The following ADAMTSL1 variants were observed in gnomAD, a reference collection of about 807,000 sequenced individuals.
ADAMTSL1 encodes ADAMTS-like protein 1.
Under a neutral mutation model 201.8 loss-of-function variants are expected in ADAMTSL1, and 126 were observed. That is an observed-to-expected ratio of 0.62 (90% CI 0.54 to 0.72). The LOEUF is 0.72. Ranked by LOEUF, ADAMTSL1 falls within the 30% of genes least tolerant of loss-of-function variation. ADAMTSL1 has a pLI of 0.00. For synonymous variants in ADAMTSL1, 1,121 were observed against 903.4 expected (o/e 1.24, Z -4.32); for missense variants, 2,679 against 2,277.8 (o/e 1.18, Z -3.59).
chr9:17,935,245 A>T lies in ADAMTSL1; in HGVS notation c.87+28323A>T, dbSNP rs143243574. On this transcript the variant is annotated intron_variant, in intron 1 of 29. Transcript: ENST00000680146. ...AGTCTTTGATTGTGCGGCCTCCAGA[A>T]CCCCACACCCTCCTTTCCTCCTGCC... is the stretch of plus-strand genomic sequence containing the variant. 5.3e-3 allele frequency among the ~76,000 whole-genome samples: 810 copies of T among 151,740 alleles called. 6 individuals are homozygous for T. Among genetic ancestry groups the T allele is most frequent in the Non-Finnish European group, 6.9e-3 (469 of 67,920 alleles).
At chr9:18,655,646 C>A (rs1396467678) in intron 7 of ADAMTSL1, among the ~76,000 whole-genome samples, 1 of 151,260 alleles carries the variant, frequency 6.6e-6, no homozygotes, top group Non-Finnish European at 1.5e-5. Context: ...AAGTAAAAAA[C>A]AAAAACAAAC....
At position 18,775,807 on chromosome 9, in the gene ADAMTSL1, C is replaced by G; in HGVS notation, c.2462C>G (p.Thr821Ser). 1 of 1,611,668 alleles carries G rather than the reference C, an allele frequency of 6.2e-7. No homozygotes were observed. The highest frequency in any genetic ancestry group is 1.1e-5 in the South Asian group (1 of 90,338). ...GCCATTTGCCGAAAGATGCTGAAAA[C>G]CGGCCTCTCAACGGTTGTCAATTCC... The part of the protein sequence containing the change: ...RSAICRKMLK[T>S]GLSTVVNSTL... Residue 821 changes from threonine (T) to serine (S), a missense_variant, in exon 18 of 29, where the codon ACC (threonine) becomes AGC (serine). Transcript: ENST00000380548.
At chr9:18,061,937 A>T (rs1217609505) in intron 1 of ADAMTSL1, among the ~76,000 whole-genome samples, 3 of 152,198 alleles carry the variant, frequency 2.0e-5, no homozygotes, top group African/African-American at 4.8e-5. Flanking sequence ...TCTGAAGATC[A>T]ACAAAAGACC....
chr9:18,203,214 C>T (rs1302742829), intron 2 of ADAMTSL1, among the ~76,000 whole-genome samples: 1 of 152,072 alleles, frequency 6.6e-6, no homozygotes, highest in Non-Finnish European at 1.5e-5. Flanking sequence ...TTTCATCCAG[C>T]TGCACTCTAG....
chr9:18,393,571 G>A (rs1338683696), intron 2 of ADAMTSL1, among the ~76,000 whole-genome samples: 1 of 152,182 alleles, frequency 6.6e-6, no homozygotes. Context: ...ACAGTGTGGT[G>A]GTCATTGAGG....
intron 9 of ADAMTSL1, among the ~76,000 whole-genome samples, chr9:18,662,773 A>G (rs964314651): frequency 2.6e-5 from 4 of 152,190 alleles, no homozygotes; most frequent in Admixed American, 2.0e-4. Flanking sequence ...TCTCAAGTGA[A>G]GAGTAGTCAT....
chr9:18,442,754 G>C (rs945889371), intron 2 of ADAMTSL1, among the ~76,000 whole-genome samples: 7 of 152,156 alleles, frequency 4.6e-5, no homozygotes, highest in Admixed American at 1.3e-4. Context: ...AGAAGACGGA[G>C]CTCCTGACAG....
intron 1 of ADAMTSL1, among the ~76,000 whole-genome samples, chr9:17,975,822 C>G (rs745624175): frequency 2.6e-5 from 4 of 151,966 alleles, no homozygotes; most frequent in Admixed American, 2.0e-4. Context: ...AGCTTTTCAC[C>G]TATACTTTCT....
At chr9:17,919,591 T>C (rs1164574754) in intron 1 of ADAMTSL1, among the ~76,000 whole-genome samples, 1 of 152,128 alleles carries the variant, frequency 6.6e-6, no homozygotes, top group Non-Finnish European at 1.5e-5. Context: ...TTTGTGACTG[T>C]CTGATTTCAC....
At chr9:18,790,483 A>G (rs1376304063) in intron 19 of ADAMTSL1, among the ~76,000 whole-genome samples, 4 of 152,200 alleles carry the variant, frequency 2.6e-5, no homozygotes, top group Non-Finnish European at 5.9e-5. Flanking sequence ...ACTTTCCTTT[A>G]TACACCCGGA....
chr9:18,458,105 T>C (rs1278622525), intron 2 of ADAMTSL1, among the ~76,000 whole-genome samples: 2 of 152,212 alleles, frequency 1.3e-5, no homozygotes, highest in Non-Finnish European at 2.9e-5. Flanking sequence ...TTTTTGCAAT[T>C]GCATGGGATG....
At chr9:18,474,064 C>T (rs898313331), upstream of ADAMTSL1, 3 of 581,542 alleles carry the variant, frequency 5.2e-6, no homozygotes, top group South Asian at 2.2e-5. Context: ...ATTCAGCTTA[C>T]CCCCCACCCA....
At chr9:18,299,049 C>T (rs10756955) in intron 2 of ADAMTSL1, among the ~76,000 whole-genome samples, 82,491 of 151,086 alleles carry the variant, frequency 0.55, 23,073 homozygotes, top group Admixed American at 0.69. Flanking sequence ...TAATAGCCGC[C>T]GTTTTTGCTA....
At chr9:17,925,105 T>C (rs1271806823) in intron 1 of ADAMTSL1, among the ~76,000 whole-genome samples, 1 of 88,154 alleles carries the variant, frequency 1.1e-5, no homozygotes, top group Non-Finnish European at 2.4e-5. Context: ...CATGAAAAAA[T>C]GCTCATCATC....
At chr9:18,276,118 C>T (rs1212085699) in intron 2 of ADAMTSL1, among the ~76,000 whole-genome samples, 1 of 151,850 alleles carries the variant, frequency 6.6e-6, no homozygotes, top group Admixed American at 6.6e-5. Context: ...CCCAACTGTG[C>T]TTATTTGCCA....
chr9:18,818,801 T>A (rs935498125), intron 21 of ADAMTSL1, among the ~76,000 whole-genome samples: 3 of 151,586 alleles, frequency 2.0e-5, no homozygotes, highest in Non-Finnish European at 2.9e-5. Context: ...AAAAAAAAAA[T>A]TAGGATATCT....
intron 19 of ADAMTSL1, among the ~76,000 whole-genome samples, chr9:18,785,253 G>A (rs1821635564): frequency 6.6e-6 from 1 of 152,058 alleles, no homozygotes; most frequent in Non-Finnish European, 1.5e-5. Context: ...AACCTTAGTT[G>A]AATACAGGGA....
chr9:18,076,100 C>A (rs1823212284), intron 1 of ADAMTSL1, among the ~76,000 whole-genome samples: 1 of 152,192 alleles, frequency 6.6e-6, no homozygotes, highest in African/African-American at 2.4e-5. Context: ...AAACAATGTG[C>A]CAATGAATAA....
At chr9:18,745,413 C>T (rs1819081935) in intron 15 of ADAMTSL1, among the ~76,000 whole-genome samples, 2 of 152,186 alleles carry the variant, frequency 1.3e-5, no homozygotes, top group South Asian at 2.1e-4. Context: ...GGCCCCTATG[C>T]CCTTTTGACA....
Sources: allele counts gnomAD v4.1 joint callset (sites outside exome capture counted in the v4.1 genomes callset), GRCh38; gene constraint gnomAD v4.1.1; transcripts MANE v1.5; gene names NCBI Gene and HGNC (gene_info 2026-07-23, HGNC 2026-07-21).